The following PTPRO variants were observed in gnomAD, a reference collection of about 807,000 sequenced individuals.
PTPRO encodes protein tyrosine phosphatase receptor type O.
PTPRO carries 62 observed loss-of-function variants against 145.2 expected under a neutral mutation model. The observed-to-expected ratio is 0.43, with a 90% CI of 0.35 to 0.53. The LOEUF is 0.53. PTPRO is among the 20% of genes least tolerant of loss of function. PTPRO has a pLI of 0.01. For synonymous variants in PTPRO, 565 were observed against 514.7 expected, an observed-to-expected ratio of 1.10 and a Z score of -1.32; for missense variants, 1,345 against 1,482.7, an observed-to-expected ratio of 0.91 and a Z score of 1.53.
intron 1 of PTPRO, among the ~76,000 whole-genome samples, chr12:15,375,635 A>G (rs1938661172): frequency 6.6e-6 from 1 of 151,894 alleles, no homozygotes; most frequent in Non-Finnish European, 1.5e-5. Flanking sequence ...GGGTGCCTGT[A>G]ATCCCAGCTA....
intron 1 of PTPRO, among the ~76,000 whole-genome samples, chr12:15,349,755 A>G (rs1937732239): frequency 6.6e-6 from 1 of 152,214 alleles, no homozygotes; most frequent in Non-Finnish European, 1.5e-5. Context: ...TCACTCTACC[A>G]TGGCAGGAAC....
chr12:15,564,667 C>T (rs1943854600), intron 17 of PTPRO, among the ~76,000 whole-genome samples: 1 of 152,188 alleles, frequency 6.6e-6, no homozygotes, highest in South Asian at 2.1e-4. Flanking sequence ...CATTAAAGTA[C>T]TAAGATTACA....
intron 16 of PTPRO, among the ~76,000 whole-genome samples, chr12:15,559,540 C>G (rs1179440484): frequency 6.6e-6 from 1 of 152,114 alleles, no homozygotes; most frequent in African/African-American, 2.4e-5. Context: ...TCCTACTTAG[C>G]TGAATATCAG....
intron 25 of PTPRO, among the ~76,000 whole-genome samples, chr12:15,594,370 T>C (rs1037518124): frequency 6.6e-6 from 1 of 151,880 alleles, no homozygotes; most frequent in Non-Finnish European, 1.5e-5. Flanking sequence ...AATAGCCCCA[T>C]GATTTGATTG....
chr12:15,463,990 A>G (rs1372467597), intron 1 of PTPRO, among the ~76,000 whole-genome samples: 1 of 152,216 alleles, frequency 6.6e-6, no homozygotes, highest in Non-Finnish European at 1.5e-5. Context: ...GTAAAGTACT[A>G]TGCTGTATAC....
rs763244892 is a variant in PTPRO at position 15,526,237 on chromosome 12, C to T, written c.2139C>T (p.Thr713=). Reference sequence around the variant, plus strand: ...CTTGTACTGAAAGAGGAAGTAATACCTCCATGCTCCGCCTTGTCAAGCTAG... The same window carrying T: ...CTTGTACTGAAAGAGGAAGTAATACTTCCATGCTCCGCCTTGTCAAGCTAG... ...VTACTERGSN[T]SMLRLVKLEP... is the part of the protein sequence containing the mutation. Residue 713 remains threonine (T), a synonymous_variant, in exon 12 of 27, where the codon ACC becomes ACT. Coordinates refer to ENST00000281171, the MANE Select transcript of PTPRO (RefSeq NM_030667.3). 5.0e-6 allele frequency: 8 copies of T among 1,613,928 alleles called. No individual in the cohort carries two copies. The South Asian group carries it at 8.8e-5, about 18-fold the overall frequency.
At chr12:15,402,038 A>C (rs1406937240) in intron 1 of PTPRO, among the ~76,000 whole-genome samples, 1 of 152,144 alleles carries the variant, frequency 6.6e-6, no homozygotes, top group Non-Finnish European at 1.5e-5. Context: ...GCTTTAATGT[A>C]GGGCATGAAA....
intron 1 of PTPRO, among the ~76,000 whole-genome samples, chr12:15,478,021 CTG>C (rs1425220003): frequency 6.6e-6 from 1 of 152,200 alleles, no homozygotes; most frequent in African/African-American, 2.4e-5. Flanking sequence ...CTCAGCTGCT[CTG>C]TGTTTCTGAT....
intron 6 of PTPRO, 71 bp downstream of exon 6, chr12:15,504,140 C>T: frequency 6.8e-7 from 1 of 1,468,616 alleles, no homozygotes; most frequent in Non-Finnish European, 9.5e-7. Context: ...ATTAATGATG[C>T]TCAGATGTCA....
chr12:15,380,685 A>G (rs1938832765), intron 1 of PTPRO, among the ~76,000 whole-genome samples: 1 of 152,196 alleles, frequency 6.6e-6, no homozygotes, highest in South Asian at 2.1e-4. Context: ...GTAGAAAACC[A>G]TAGAAACATA....
At chr12:15,535,943 A>G (rs758695057) in intron 12 of PTPRO, among the ~76,000 whole-genome samples, 9 of 152,236 alleles carry the variant, frequency 5.9e-5, no homozygotes, top group Non-Finnish European at 1.0e-4. Context: ...GGGGGATAGT[A>G]GGCTTTTTCT....
chr12:15,577,399 T>C (rs1284399430), intron 19 of PTPRO, among the ~76,000 whole-genome samples: 1 of 152,200 alleles, frequency 6.6e-6, no homozygotes, highest in Non-Finnish European at 1.5e-5. Flanking sequence ...ACTTGATTAA[T>C]AAAGCATGTG....
At chr12:15,472,880 T>A (rs201879398) in intron 1 of PTPRO, among the ~76,000 whole-genome samples, 1 of 152,190 alleles carries the variant, frequency 6.6e-6, no homozygotes, top group Admixed American at 6.5e-5. Context: ...CAGCTCTGCA[T>A]TCATACATAC....
intron 22 of PTPRO, among the ~76,000 whole-genome samples, chr12:15,581,298 C>CTTTTTTTTTTTTTTTTTTT: frequency 8.1e-6 from 1 of 123,030 alleles, no homozygotes; most frequent in Non-Finnish European, 1.6e-5. Flanking sequence ...TGAGTGCTTT[C>CTTTTTTTTTTTTTTTTTTT]TTTTTTTTTT....
chr12:15,591,216 A>T (rs1212166753), intron 25 of PTPRO, among the ~76,000 whole-genome samples: 7 of 151,586 alleles, frequency 4.6e-5, no homozygotes, highest in East Asian at 1.9e-4. Flanking sequence ...TAAAAATATT[A>T]AAAAATTAGC....
At chr12:15,327,071 T>C (rs1866466193) in intron 1 of PTPRO, among the ~76,000 whole-genome samples, 1 of 152,230 alleles carries the variant, frequency 6.6e-6, no homozygotes, top group South Asian at 2.1e-4. Context: ...TGAAATATTG[T>C]AATATTGACT....
chr12:15,448,358 A>AAAAAAAAAAAAAAAAAAAAAG (rs1940960429), intron 1 of PTPRO, among the ~76,000 whole-genome samples: 1 of 149,790 alleles, frequency 6.7e-6, no homozygotes, highest in African/African-American at 2.4e-5. Context: ...AAAAAAAAAA[A>AAAAAAAAAAAAAAAAAAAAAG]AAGCACCGAT....
At chr12:15,447,250 A>C (rs576088490) in intron 1 of PTPRO, among the ~76,000 whole-genome samples, 3 of 152,170 alleles carry the variant, frequency 2.0e-5, no homozygotes, top group Non-Finnish European at 4.4e-5. Flanking sequence ...GGAGGGCAGC[A>C]GTAGAAAGTA....
chr12:15,438,645 AT>A (rs1388412271), intron 1 of PTPRO, among the ~76,000 whole-genome samples: 1 of 152,016 alleles, frequency 6.6e-6, no homozygotes, highest in Non-Finnish European at 1.5e-5. Context: ...AACTAACCCA[AT>A]ATGGCAAAAA....
Sources: allele counts gnomAD v4.1 joint callset (sites outside exome capture counted in the v4.1 genomes callset), GRCh38; gene constraint gnomAD v4.1.1; transcripts MANE v1.5; gene names NCBI Gene and HGNC (gene_info 2026-07-23, HGNC 2026-07-21).